CTNNA2: variants seen among roughly 807,000 people sequenced by gnomAD.
The protein encoded by CTNNA2 is catenin alpha-2.
A neutral mutation model predicts 101.0 loss-of-function variants in CTNNA2; 42 were observed. That is an observed-to-expected ratio of 0.42 (90% CI 0.32 to 0.54). The LOEUF is 0.54. Ranked by LOEUF, CTNNA2 falls within the 20% of genes least tolerant of loss-of-function variation. The pLI is 0.14. For synonymous variants in CTNNA2, 450 were observed against 456.4 expected (o/e 0.99, Z 0.18); for missense variants, 871 against 1,223.1 (o/e 0.71, Z 4.29).
intron 3 of CTNNA2, among the ~76,000 whole-genome samples, chr2:79,810,537 T>C (rs1447385135): frequency 6.6e-6 from 1 of 151,796 alleles, no homozygotes; most frequent in Non-Finnish European, 1.5e-5. Context: ...TTTTTTTTTT[T>C]TTGTTATACT....
rs560664009 is a variant in CTNNA2, at chr2:80,555,840, C to T, written c.1688C>T (p.Ala563Val). 1 of 1,594,704 alleles carries T rather than the reference C, an allele frequency of 6.3e-7. No homozygotes were observed. Among genetic ancestry groups the T allele is most frequent in the South Asian group, 1.2e-5 (1 of 86,092 alleles). ...AATGCTGAGATGGAGAACTATGAAGCTGGGGTTTATACTGAGAAGGTGTTG... is the reference window on the plus strand; with the variant it reads ...AATGCTGAGATGGAGAACTATGAAGTTGGGGTTTATACTGAGAAGGTGTTG... ...IINAEMENYE[A>V]GVYTEKVLEA... Residue 563 changes from alanine (A) to valine (V), a missense_variant, in exon 12 of 19, where the codon GCT becomes GTT. Ala to Val is a moderately conservative substitution (Grantham distance 64, BLOSUM62 0). Around this residue, in one of 5 missense-constraint regions of CTNNA2, gnomAD observed 647 missense variants for 831.5 expected, o/e 0.78. Coordinates refer to ENST00000402739, the MANE Select transcript of CTNNA2 (RefSeq NM_001282597.3).
intron 6 of CTNNA2, among the ~76,000 whole-genome samples, chr2:79,882,576 A>G (rs1473766616): frequency 1.3e-5 from 2 of 152,228 alleles, no homozygotes; most frequent in Admixed American, 6.5e-5. Context: ...GCAGGGGAAA[A>G]GCATGGCCTG....
chr2:79,746,066 A>G (rs1671623883), intron 3 of CTNNA2, among the ~76,000 whole-genome samples: 1 of 150,914 alleles, frequency 6.6e-6, no homozygotes, highest in Non-Finnish European at 1.5e-5. Flanking sequence ...AATCCTCACC[A>G]ACACTTGTTT....
intron 6 of CTNNA2, among the ~76,000 whole-genome samples, chr2:79,909,309 C>CA (rs1163907677): frequency 2.0e-5 from 3 of 152,122 alleles, no homozygotes; most frequent in African/African-American, 4.8e-5. Context: ...TTAAAAATGC[C>CA]AAAAAAGTGT....
At chr2:80,012,226 G>A (rs554648875) in intron 7 of CTNNA2, among the ~76,000 whole-genome samples, 2 of 152,140 alleles carry the variant, frequency 1.3e-5, no homozygotes, top group Non-Finnish European at 2.9e-5. Flanking sequence ...ATGAGGGTTC[G>A]ATGGCTGTAA....
intron 2 of CTNNA2, among the ~76,000 whole-genome samples, chr2:79,703,303 A>G (rs1573730071): frequency 6.6e-6 from 1 of 152,360 alleles, no homozygotes; most frequent in South Asian, 2.1e-4. Flanking sequence ...AGCTTAAAAG[A>G]TTGTAACTTG....
chr2:79,468,904 CT>C (rs1401285410), intron 4 of CTNNA2, among the ~76,000 whole-genome samples: 1 of 152,100 alleles, frequency 6.6e-6, no homozygotes, highest in Non-Finnish European at 1.5e-5. Context: ...ATTTATAGCA[CT>C]AAATACCCAC....
At position 79,237,864 on chromosome 2, in the gene CTNNA2, C is replaced by T. The variant is rs115339495; in HGVS notation, c.-406+39788C>T. 3.4e-3 allele frequency among the ~76,000 whole-genome samples: 519 copies of T among 152,224 alleles called. 2 individuals are homozygous for T. Among genetic ancestry groups the T allele is most frequent in the African/African-American group, 0.012 (494 of 41,544 alleles). On this transcript the variant is annotated intron_variant, in intron 2 of 21. Transcript: ENST00000466387. Reference sequence around the variant, plus strand: ...TTTCTCTGGATTAGACTTTGGTTTACGGGAATGTTGTGGCTTGTTTGATCT... The same window carrying T: ...TTTCTCTGGATTAGACTTTGGTTTATGGGAATGTTGTGGCTTGTTTGATCT...
At chr2:79,785,688 T>A (rs565868772) in intron 3 of CTNNA2, among the ~76,000 whole-genome samples, 1 of 152,302 alleles carries the variant, frequency 6.6e-6, no homozygotes, top group South Asian at 2.1e-4. Flanking sequence ...TGCCTTCCTT[T>A]TTGTATTTTC....
intron 9 of CTNNA2, among the ~76,000 whole-genome samples, chr2:80,538,817 G>A (rs527559001): frequency 2.0e-5 from 3 of 152,306 alleles, no homozygotes; most frequent in South Asian, 2.1e-4. Context: ...ACTTTGGGCA[G>A]TATGGCAATT....
intron 3 of CTNNA2, among the ~76,000 whole-genome samples, chr2:79,786,402 A>C (rs1421261914): frequency 6.6e-6 from 1 of 152,150 alleles, no homozygotes; most frequent in Non-Finnish European, 1.5e-5. Context: ...AATGTAAGGT[A>C]ATGGATTAAA....
intron 9 of CTNNA2, among the ~76,000 whole-genome samples, chr2:80,544,242 C>T (rs906996358): frequency 6.6e-6 from 1 of 151,030 alleles, no homozygotes; most frequent in Non-Finnish European, 1.5e-5. Context: ...CGGAAGGGGC[C>T]AGGAACCAAG....
At chr2:79,297,084 C>T (rs1044157585) in intron 2 of CTNNA2, among the ~76,000 whole-genome samples, 1 of 152,154 alleles carries the variant, frequency 6.6e-6, no homozygotes, top group Non-Finnish European at 1.5e-5. Context: ...TCCACCCTTA[C>T]TGAGAATTTG....
At chr2:79,971,583 T>C (rs1690489569) in intron 7 of CTNNA2, among the ~76,000 whole-genome samples, 1 of 152,102 alleles carries the variant, frequency 6.6e-6, no homozygotes, top group Admixed American at 6.6e-5. Flanking sequence ...TTTTCAGAAG[T>C]GGGAAATATG....
At chr2:80,037,969 T>C (rs1296270051) in intron 7 of CTNNA2, among the ~76,000 whole-genome samples, 1 of 152,220 alleles carries the variant, frequency 6.6e-6, no homozygotes, top group Non-Finnish European at 1.5e-5. Context: ...TTGTCATTAT[T>C]ATTAGAAAGG....
At chr2:79,260,808 C>T (rs922807004) in intron 2 of CTNNA2, among the ~76,000 whole-genome samples, 5 of 152,116 alleles carry the variant, frequency 3.3e-5, no homozygotes, top group South Asian at 2.1e-4. Context: ...AGTCCCACCA[C>T]GGTCACAGCT....
At chr2:79,437,423 A>G (rs902188518) in intron 4 of CTNNA2, among the ~76,000 whole-genome samples, 4 of 152,138 alleles carry the variant, frequency 2.6e-5, no homozygotes, top group African/African-American at 9.7e-5. Context: ...GGTGCTGCCG[A>G]TTCTGCTGGC....
At chr2:79,742,531 C>T (rs567523291) in intron 2 of CTNNA2, among the ~76,000 whole-genome samples, 1 of 152,136 alleles carries the variant, frequency 6.6e-6, no homozygotes, top group South Asian at 2.1e-4. Context: ...ATTGGCTGTT[C>T]TGGGGAGTTG....
chr2:79,611,258 G>A (rs1286838937), intron 1 of CTNNA2, among the ~76,000 whole-genome samples: 1 of 151,990 alleles, frequency 6.6e-6, no homozygotes, highest in Non-Finnish European at 1.5e-5. Flanking sequence ...AATTTGGCAC[G>A]CTTAATATCT....
Sources: gnomAD v4.1 joint callset for allele counts (sites outside exome capture counted in the v4.1 genomes callset) on GRCh38, gnomAD v4.1.1 for gene constraint, gnomAD v4.1.1 regional missense constraint, MANE v1.5 for transcripts, NCBI Gene and HGNC (gene_info 2026-07-23, HGNC 2026-07-21) for gene names.